The following NR3C2 variants were observed in gnomAD, a reference collection of about 807,000 sequenced individuals.
NR3C2 encodes nuclear receptor subfamily 3 group C member 2.
A neutral mutation model predicts 86.4 loss-of-function variants in NR3C2; 15 were observed. The observed-to-expected ratio is 0.17, with a 90% CI of 0.12 to 0.27. The LOEUF is 0.27. Among genes scored for constraint, NR3C2 ranks in the 10% least tolerant of loss-of-function variants. NR3C2 has a pLI of 1.00. For synonymous variants in NR3C2, 458 were observed against 450.5 expected (o/e 1.02, Z -0.21); for missense variants, 960 against 1,195.6 (o/e 0.80, Z 2.91).
intron 2 of NR3C2, among the ~76,000 whole-genome samples, chr4:148,288,487 C>T (rs1413365351): frequency 1.3e-5 from 2 of 152,182 alleles, no homozygotes; most frequent in Non-Finnish European, 2.9e-5. Flanking sequence ...AAGAGTTTGG[C>T]TGGTGACATA....
At chr4:148,243,040 T>A (rs1044126690) in intron 3 of NR3C2, among the ~76,000 whole-genome samples, 9 of 151,072 alleles carry the variant, frequency 6.0e-5, no homozygotes, top group South Asian at 4.2e-4. Context: ...TTTTTTTTTT[T>A]AATTTTTAGA....
chr4:148,444,167 C>A, upstream of NR3C2: 1 of 985,406 alleles, frequency 1.0e-6, no homozygotes, highest in Non-Finnish European at 1.2e-6. Context: ...CCTGGGCACG[C>A]GAGGCGGCGG....
chr4:148,369,859 G>A (rs1233541532), intron 2 of NR3C2, among the ~76,000 whole-genome samples: 3 of 152,220 alleles, frequency 2.0e-5, no homozygotes. Context: ...TTGATGCTGA[G>A]CTCAAGGGGA....
At chr4:148,306,545 C>A (rs527461127) in intron 2 of NR3C2, among the ~76,000 whole-genome samples, 1 of 152,338 alleles carries the variant, frequency 6.6e-6, no homozygotes, top group South Asian at 2.1e-4. Context: ...TATAACACAA[C>A]AATTCTGGAG....
intron 3 of NR3C2, among the ~76,000 whole-genome samples, chr4:148,224,138 G>GA (rs78554332): frequency 8.1e-4 from 116 of 143,958 alleles, no homozygotes; most frequent in East Asian, 1.4e-3. Flanking sequence ...CAAAGAAAAA[G>GA]AAAAAAAAAA....
rs79982410 is a variant in NR3C2, at chr4:148,235,131, T to C, written c.1897+24847A>G. Among the ~76,000 whole-genome samples, 1,360 of 152,184 alleles carry C rather than the reference T, an allele frequency of 8.9e-3. 5 individuals carry two copies. Among genetic ancestry groups the C allele is most frequent in the Non-Finnish European group, 0.015 (1,035 of 68,002 alleles). ...ATTAAAATGTGTGGTGCTTCCTTGG[T>C]TCTTGATTTGTAAAAAGTGCATTGT... is the stretch of plus-strand genomic sequence containing the variant. On this transcript the variant is annotated intron_variant, in intron 3 of 8. Transcript: ENST00000358102.
At chr4:148,166,154 TAC>T (rs1292195758) in intron 4 of NR3C2, among the ~76,000 whole-genome samples, 79 of 152,362 alleles carry the variant, frequency 5.2e-4, no homozygotes, top group African/African-American at 1.7e-3. Flanking sequence ...CTCTTCAGGA[TAC>T]AGACTGAATT....
At chr4:148,183,593 C>T (rs1170514398) in intron 4 of NR3C2, among the ~76,000 whole-genome samples, 3 of 152,082 alleles carry the variant, frequency 2.0e-5, no homozygotes, top group Non-Finnish European at 4.4e-5. Flanking sequence ...TTTTAACCTC[C>T]ATGCCTCCAT....
intron 2 of NR3C2, among the ~76,000 whole-genome samples, chr4:148,403,300 T>C (rs974969939): frequency 1.3e-5 from 2 of 152,040 alleles, no homozygotes; most frequent in African/African-American, 4.8e-5. Context: ...TTCTCTCTAT[T>C]CCACTAGCCC....
intron 8 of NR3C2, among the ~76,000 whole-genome samples, chr4:148,098,652 T>C (rs1180617443): frequency 2.0e-5 from 3 of 152,192 alleles, no homozygotes; most frequent in African/African-American, 4.8e-5. Context: ...TGAGCATTGA[T>C]TTTAGGGCTA....
At chr4:148,304,855 T>C (rs548759229) in intron 2 of NR3C2, among the ~76,000 whole-genome samples, 1 of 151,072 alleles carries the variant, frequency 6.6e-6, no homozygotes, top group Non-Finnish European at 1.5e-5. Flanking sequence ...TGTGGTGGCC[T>C]GGTATTCAGT....
rs141020159 is a variant in NR3C2 at position 148,358,168 on chromosome 4, A to G, written c.1757+76936T>C. Among the ~76,000 whole-genome samples, 1,265 of 152,266 alleles carry G rather than the reference A, an allele frequency of 8.3e-3. 17 individuals carry two copies. The highest frequency in any genetic ancestry group is 0.028 in the African/African-American group (1,160 of 41,546). ...ATTATGCTGCTAAAAAGACACATGCACACGTATGTTTATTGCGGCATTATT... is the reference window on the plus strand; with the variant it reads ...ATTATGCTGCTAAAAAGACACATGCGCACGTATGTTTATTGCGGCATTATT... On this transcript the variant is annotated intron_variant, in intron 2 of 8. Transcript: ENST00000358102.
chr4:148,113,441 T>C (rs1182565549), intron 8 of NR3C2, among the ~76,000 whole-genome samples: 1 of 152,192 alleles, frequency 6.6e-6, no homozygotes, highest in Non-Finnish European at 1.5e-5. Context: ...CTGACACCTG[T>C]AGCAAATCTG....
chr4:148,081,427 C>T lies in NR3C2; in HGVS notation c.2872G>A (p.Ala958Thr), dbSNP rs950500850. ...TCGCTGATGATCTCCACCAGCATTGCGGGGAACTCTACCTTCAGCGCATGG... is the reference window on the plus strand; with the variant it reads ...TCGCTGATGATCTCCACCAGCATTGTGGGGAACTCTACCTTCAGCGCATGG... ...ESHALKVEFP[A>T]MLVEIISDQL... The change falls in exon 9 of 9, where the codon GCA (alanine) becomes ACA (threonine). Residue 958 changes from alanine (A) to threonine (T), a missense_variant. By Grantham distance (58) the Ala-to-Thr change is moderately conservative (BLOSUM62 0). Around this residue, in one of 4 missense-constraint regions of NR3C2, gnomAD observed 151 missense variants for 296.3 expected, o/e 0.51. Coordinates refer to ENST00000358102, the MANE Select transcript of NR3C2 (RefSeq NM_000901.5). 14 of 1,614,100 alleles carry T rather than the reference C, an allele frequency of 8.7e-6. No individual in the cohort carries two copies. The highest frequency in any genetic ancestry group is 2.2e-5 in the South Asian group (2 of 91,060).
Position 148,306,027 on chromosome 4 carries a change from C to T in NR3C2, c.1758-45910G>A, listed in dbSNP as rs61761508. The stretch of plus-strand genomic sequence containing the variant: ...GGTTCTATTTTGAAACAGACTATTC[C>T]ATGATAGCCATCTGGCCAACAATAT... On this transcript the variant is annotated intron_variant, in intron 2 of 8. Coordinates refer to ENST00000358102, the MANE Select transcript of NR3C2 (RefSeq NM_000901.5). 3.0e-3 allele frequency among the ~76,000 whole-genome samples: 460 copies of T among 152,304 alleles called. 15 individuals are homozygous for T. Among genetic ancestry groups the T allele is most frequent in the Admixed American group, 0.026 (400 of 15,306 alleles).
chr4:148,352,402 AT>A (rs1745334698), intron 2 of NR3C2, among the ~76,000 whole-genome samples: 1 of 151,764 alleles, frequency 6.6e-6, no homozygotes. Flanking sequence ...CTATCTATCT[AT>A]CTATCTATCT....
chr4:148,405,084 C>T (rs35464072), intron 2 of NR3C2, among the ~76,000 whole-genome samples: 63,673 of 151,428 alleles, frequency 0.42, 14,626 homozygotes, highest in East Asian at 0.75. Flanking sequence ...AAATTGTCTT[C>T]TGCTCACATA....
At chr4:148,144,635 C>G (rs1371775309) in intron 6 of NR3C2, among the ~76,000 whole-genome samples, 2 of 152,218 alleles carry the variant, frequency 1.3e-5, no homozygotes, top group Non-Finnish European at 2.9e-5. Context: ...CCTCTCCTCT[C>G]TCCCTGTATA....
At chr4:148,327,676 G>A (rs188753064) in intron 2 of NR3C2, among the ~76,000 whole-genome samples, 1 of 152,336 alleles carries the variant, frequency 6.6e-6, no homozygotes, top group Admixed American at 6.5e-5. Context: ...GAACAAGAGT[G>A]GGTGCATGCT....
Sources: allele counts gnomAD v4.1 joint callset (sites outside exome capture counted in the v4.1 genomes callset), GRCh38; gene constraint gnomAD v4.1.1; regional missense constraint gnomAD v4.1.1; transcripts MANE v1.5; gene names NCBI Gene and HGNC (gene_info 2026-07-23, HGNC 2026-07-21).